Variants in MAP2K4 observed in about 807,000 individuals in gnomAD.
MAP2K4 encodes the protein mitogen-activated protein kinase kinase 4.
In MAP2K4, 4 loss-of-function variants were observed where a neutral mutation model predicts 48.5. The ratio of observed to expected loss-of-function variants is 0.08; its 90% CI spans 0.04 to 0.19. MAP2K4 has a LOEUF of 0.19. Ranked by LOEUF, MAP2K4 falls within the 10% of genes least tolerant of loss-of-function variation. The pLI is 1.00. For synonymous variants in MAP2K4, 166 were observed against 173.1 expected, an observed-to-expected ratio of 0.96 and a Z score of 0.32; for missense variants, 258 against 493.3, an observed-to-expected ratio of 0.52 and a Z score of 4.52.
rs576468116 is a variant in MAP2K4, at chr17:12,119,325, T to C, written c.813+5965T>C. Among the ~76,000 whole-genome samples, 326 of 152,188 alleles carry C rather than the reference T, an allele frequency of 2.1e-3. 2 individuals carry two copies. Among genetic ancestry groups the C allele is most frequent in the African/African-American group, 7.0e-3 (290 of 41,530 alleles). On this transcript the variant is annotated intron_variant, in intron 7 of 10. Coordinates refer to ENST00000353533, the MANE Select transcript of MAP2K4 (RefSeq NM_003010.4). ...GAAAGAAAACAACCTCATTAAAAAG[T>C]GGGTAAGGACGTGAACAGACACTTT...
At chr17:12,083,389 C>T (rs536907217) in intron 3 of MAP2K4, among the ~76,000 whole-genome samples, 22 of 152,314 alleles carry the variant, frequency 1.4e-4, no homozygotes, top group Middle Eastern at 6.8e-3. Context: ...GTGACAGTTC[C>T]AGTTGGGATG....
intron 1 of MAP2K4, among the ~76,000 whole-genome samples, chr17:12,025,460 A>G (rs774465522): frequency 6.6e-6 from 1 of 152,218 alleles, no homozygotes; most frequent in Non-Finnish European, 1.5e-5. Context: ...CTTAGCTGAG[A>G]AATGTCAGTT....
chr17:12,089,103 G>A (rs560555705), intron 3 of MAP2K4, among the ~76,000 whole-genome samples: 43 of 151,920 alleles, frequency 2.8e-4, no homozygotes, highest in East Asian at 1.2e-3. Context: ...TAGTAGAGAC[G>A]GGGTTTCACC....
chr17:12,110,059 GA>G lies in MAP2K4; in HGVS notation c.634-305del, dbSNP rs980424615. 2.7e-3 allele frequency among the ~76,000 whole-genome samples: 379 copies of G among 139,340 alleles called. 1 individual carries two copies. The highest frequency in any genetic ancestry group is 3.0e-3 in the Non-Finnish European group (192 of 63,566). The allele number at this position is 139,340 out of a possible 152,430, so 91.4% of individuals were successfully genotyped here. ...GAGACCCAGTCTCAAAATAAAAAGG[GA>G]AAAAAAAAAAGGAAATTTTAGGTTG... On this transcript the variant is annotated intron_variant, in intron 5 of 10. Coordinates refer to ENST00000353533, the MANE Select transcript of MAP2K4 (RefSeq NM_003010.4).
At chr17:12,030,795 AG>A (rs1230325354) in intron 1 of MAP2K4, among the ~76,000 whole-genome samples, 1 of 152,004 alleles carries the variant, frequency 6.6e-6, no homozygotes, top group East Asian at 1.9e-4. Flanking sequence ...TTTGCTACCT[AG>A]TAACAGTCAA....
chr17:12,020,878 C>G lies in MAP2K4; in HGVS notation c.-9C>G. 8.4e-7 allele frequency: 1 copy of G among 1,190,032 alleles called. No homozygotes were observed. The highest frequency in any genetic ancestry group is 1.0e-6 in the Non-Finnish European group (1 of 955,054). 73.7% of individuals were successfully genotyped at this position (1,190,032 alleles called of 1,614,324 possible). ...CGCCGCGGCGCCGCTCGGCTCTTCA[C>G]TCCCAACAATGGCGGCTCCGAGCCC... On this transcript the variant is annotated 5_prime_UTR_variant, in exon 1 of 11. Coordinates refer to ENST00000353533, the MANE Select transcript of MAP2K4 (RefSeq NM_003010.4).
chr17:12,127,923 T>C (rs1972901701), intron 8 of MAP2K4, among the ~76,000 whole-genome samples: 1 of 152,096 alleles, frequency 6.6e-6, no homozygotes, highest in African/African-American at 2.4e-5. Context: ...GTTCTGAGAG[T>C]TCTCTCTCTC....
chr17:12,107,037 G>A (rs1289032554), intron 4 of MAP2K4, among the ~76,000 whole-genome samples: 1 of 151,864 alleles, frequency 6.6e-6, no homozygotes, highest in African/African-American at 2.4e-5. Flanking sequence ...CTGTTTTATT[G>A]TCAAATTGCT....
At chr17:12,083,555 G>T (rs1971261046) in intron 3 of MAP2K4, among the ~76,000 whole-genome samples, 1 of 152,184 alleles carries the variant, frequency 6.6e-6, no homozygotes, top group Admixed American at 6.5e-5. Context: ...GATGGGAGAG[G>T]ATGGCAGTAC....
At chr17:12,111,448 T>C (rs926523805) in intron 6 of MAP2K4, among the ~76,000 whole-genome samples, 2 of 152,090 alleles carry the variant, frequency 1.3e-5, no homozygotes, top group Non-Finnish European at 2.9e-5. Flanking sequence ...AAATTCTTTG[T>C]TTCTCTTGTA....
intron 5 of MAP2K4, among the ~76,000 whole-genome samples, chr17:12,108,430 C>T (rs934632410): frequency 2.6e-5 from 4 of 152,016 alleles, no homozygotes; most frequent in Non-Finnish European, 5.9e-5. Context: ...TTTCAGGGGC[C>T]AGTGTTACTA....
intron 2 of MAP2K4, chr17:12,069,894 T>C (rs1370301211): frequency 0.045 from 102 of 2,288 alleles, no homozygotes; most frequent in African/African-American, 0.23. Context: ...ATTAGTCATA[T>C]ATATATATAT....
intron 1 of MAP2K4, among the ~76,000 whole-genome samples, chr17:12,054,098 A>G (rs1177140138): frequency 1.3e-5 from 2 of 152,164 alleles, no homozygotes; most frequent in Non-Finnish European, 2.9e-5. Flanking sequence ...GCATTTTACA[A>G]AGCATTTTCA....
intron 1 of MAP2K4, among the ~76,000 whole-genome samples, chr17:12,045,339 A>C (rs1969929673): frequency 6.6e-6 from 1 of 152,178 alleles, no homozygotes; most frequent in South Asian, 2.1e-4. Context: ...CATGGCATTT[A>C]CCAAGCAGGA....
intron 2 of MAP2K4, among the ~76,000 whole-genome samples, chr17:12,068,776 T>G (rs908359665): frequency 1.4e-5 from 2 of 145,308 alleles, no homozygotes; most frequent in African/African-American, 2.4e-5. Context: ...AGCGTGTGTG[T>G]ATATGTATTT....
intron 3 of MAP2K4, among the ~76,000 whole-genome samples, chr17:12,092,996 G>A (rs1309668282): frequency 2.6e-5 from 4 of 152,210 alleles, no homozygotes; most frequent in East Asian, 1.9e-4. Context: ...ACTGCACTCC[G>A]GCCTGGGCGA....
intron 1 of MAP2K4, among the ~76,000 whole-genome samples, chr17:12,048,961 A>AT (rs1419485943): frequency 3.9e-5 from 6 of 152,086 alleles, no homozygotes; most frequent in Non-Finnish European, 7.4e-5. Context: ...CTGACCTAAC[A>AT]TCTCTTTTTC....
At chr17:12,101,589 A>G (rs1223615972) in intron 4 of MAP2K4, among the ~76,000 whole-genome samples, 1 of 152,016 alleles carries the variant, frequency 6.6e-6, no homozygotes, top group African/African-American at 2.4e-5. Context: ...TTTTATTGGG[A>G]TTTTTCTAAT....
At chr17:12,065,480 A>G (rs1035237655) in intron 2 of MAP2K4, among the ~76,000 whole-genome samples, 2 of 151,818 alleles carry the variant, frequency 1.3e-5, no homozygotes, top group African/African-American at 4.8e-5. Context: ...TTGTATTTTT[A>G]GTAGAGACAA....
Sources: gnomAD v4.1 joint callset for allele counts (sites outside exome capture counted in the v4.1 genomes callset) on GRCh38, gnomAD v4.1.1 for gene constraint, MANE v1.5 for transcripts, NCBI Gene and HGNC (gene_info 2026-07-23, HGNC 2026-07-21) for gene names.